The following ZNF77 variants were observed in gnomAD, a reference collection of about 807,000 sequenced individuals.
The protein encoded by ZNF77 is ZNFpT1.
ZNF77 carries 15 observed loss-of-function variants against 13.5 expected under a neutral mutation model. The observed-to-expected ratio is 1.11, with a 90% CI of 0.74 to 1.71. ZNF77 has a LOEUF of 1.71. Ranked by LOEUF, ZNF77 falls within the 40% of genes most tolerant of loss-of-function variation. The probability of loss-of-function intolerance (pLI) is 0.00; values close to 1 mark genes in which losing one functional copy is unlikely to be tolerated. For synonymous variants in ZNF77, 282 were observed against 250.0 expected (o/e 1.13, Z -1.21); for missense variants, 717 against 676.4 (o/e 1.06, Z -0.67).
intron 2 of ZNF77, among the ~76,000 whole-genome samples, chr19:2,937,188 C>A (rs762951791): frequency 5.3e-5 from 8 of 151,842 alleles, no homozygotes; most frequent in Non-Finnish European, 1.0e-4. Flanking sequence ...GACCCTGTCT[C>A]AAAAAAAGAA....
At chr19:2,934,953 T>C (rs530514386) in intron 3 of ZNF77, 138 bp from the exon 4 acceptor site, 2 of 1,153,990 alleles carry the variant, frequency 1.7e-6, no homozygotes, top group South Asian at 1.7e-5. Flanking sequence ...GTCTGCCTGG[T>C]TTCTATGGAG....
rs1380953227 is a variant in ZNF77, at chr19:2,934,426, T to C, written c.701A>G (p.His234Arg). 1.2e-6 allele frequency: 2 copies of C among 1,614,240 alleles called. No homozygotes were observed. Among genetic ancestry groups the C allele is most frequent in the African/African-American group, 1.3e-5 (1 of 75,068 alleles). Reference protein sequence around the residue: ...PSSFRGHVNSHHGQKTHACKV... With the variant: ...PSSFRGHVNSRHGQKTHACKV... ...ACATGCATGGGTTTTCTGCCCATGA[T>C]GACTATTCACATGTCCCCTGAAAGA... The change falls in exon 4 of 4, where the codon CAT (histidine) becomes CGT (arginine). Residue 234 changes from histidine to arginine, a missense_variant. Physicochemically the swap from His to Arg is conservative, Grantham distance 29. Coordinates refer to ENST00000314531, the MANE Select transcript of ZNF77 (RefSeq NM_021217.3).
At chr19:2,942,075 C>CT (rs36016142) in intron 1 of ZNF77, among the ~76,000 whole-genome samples, 25,532 of 144,010 alleles carry the variant, frequency 0.18, 2,417 homozygotes, top group East Asian at 0.41. Context: ...AGCATTTATT[C>CT]TTTTTTTTTT....
intron 1 of ZNF77, among the ~76,000 whole-genome samples, chr19:2,941,088 T>A (rs1202944483): frequency 6.8e-6 from 1 of 147,950 alleles, no homozygotes; most frequent in Non-Finnish European, 1.5e-5. Flanking sequence ...GGTGGGAGGA[T>A]CATTTGAGCC....
intron 2 of ZNF77, among the ~76,000 whole-genome samples, chr19:2,937,127 T>C (rs2088404821): frequency 6.6e-6 from 1 of 152,098 alleles, no homozygotes; most frequent in Admixed American, 6.6e-5. Context: ...AGGTCAAAGC[T>C]GCAGTGGGCC....
intron 3 of ZNF77, among the ~76,000 whole-genome samples, chr19:2,935,981 C>A (rs1415318978): frequency 1.3e-5 from 2 of 151,528 alleles, no homozygotes; most frequent in Admixed American, 6.6e-5. Flanking sequence ...CGTGCCACTG[C>A]ACTTCAGCCT....
At chr19:2,941,077 A>T (rs1052889652) in intron 1 of ZNF77, among the ~76,000 whole-genome samples, 3 of 146,074 alleles carry the variant, frequency 2.1e-5, no homozygotes, top group Non-Finnish European at 4.5e-5. Flanking sequence ...CAGGAGGCTG[A>T]GGTGGGAGGA....
chr19:2,941,174 C>CAAAAA (rs142541120), intron 1 of ZNF77, among the ~76,000 whole-genome samples: 5 of 61,544 alleles, frequency 8.1e-5, no homozygotes, highest in East Asian at 4.6e-4. Context: ...CGCCCTACCT[C>CAAAAA]AAAAAAAAAA....
At position 2,943,692 on chromosome 19, in the gene ZNF77, A is replaced by ATTTTT. The variant is rs10633206; in HGVS notation, c.3+1141_3+1145dup. 2.7e-3 allele frequency among the ~76,000 whole-genome samples: 208 copies of ATTTTT among 76,708 alleles called. 2 individuals are homozygous for ATTTTT. Among genetic ancestry groups the ATTTTT allele is most frequent in the African/African-American group, 9.3e-3 (174 of 18,722 alleles). 50.3% of individuals were successfully genotyped at this position (76,708 alleles called of 152,430 possible). On this transcript the variant is annotated intron_variant, in intron 1 of 3. Coordinates refer to ENST00000314531, the MANE Select transcript of ZNF77 (RefSeq NM_021217.3). The stretch of plus-strand genomic sequence containing the variant: ...TTTTCTCTCTCCTTCTCTAGCCAGG[A>ATTTTT]TTTTTTTTTTTTTTTTTTTTTTTGG...
chr19:2,942,057 A>G (rs1262337728), intron 1 of ZNF77, among the ~76,000 whole-genome samples: 1 of 145,888 alleles, frequency 6.9e-6, no homozygotes, highest in Non-Finnish European at 1.5e-5. Context: ...AAGAAAAAAA[A>G]GGCAAAAAGC....
In ZNF77 at chr19:2,933,809, G is replaced by T. The variant is rs1316604965; in HGVS notation, c.1318C>A (p.His440Asn). 6.2e-7 allele frequency: 1 copy of T among 1,612,366 alleles called. No homozygotes were observed. The highest frequency in any genetic ancestry group is 1.3e-5 in the African/African-American group (1 of 74,818). The change falls in exon 4 of 4, where the codon CAT (histidine) becomes AAT (asparagine). Residue 440 changes from histidine to asparagine, a missense_variant. Transcript: ENST00000314531. ...HTGEKPFECK[H>N]CGKAFSCHSS... ...TGACAGCTGAAGGCTTTCCCACAATGCTTACACTCAAAGGGCTTCTCTCCA... is the reference window on the plus strand; with the variant it reads ...TGACAGCTGAAGGCTTTCCCACAATTCTTACACTCAAAGGGCTTCTCTCCA...
At chr19:2,939,583 C>T in intron 1 of ZNF77, 176 bp from the exon 2 acceptor site, 1 of 806,762 alleles carries the variant, frequency 1.2e-6, no homozygotes, top group Non-Finnish European at 1.9e-6. Context: ...ACCTTCCCAA[C>T]AGGGAGCAAA....
Position 2,934,636 on chromosome 19 carries a change from C to A in ZNF77, c.491G>T (p.Cys164Phe). Residue 164 changes from cysteine to phenylalanine, a missense_variant, in exon 4 of 4, where the codon TGT (cysteine) becomes TTT (phenylalanine). By Grantham distance (205) the Cys-to-Phe change is radical. Coordinates refer to ENST00000314531, the MANE Select transcript of ZNF77 (RefSeq NM_021217.3). Reference sequence around the variant, plus strand: ...GCTGCAGGCTTGCCCACATTCCTTACACGGTCTCTGTCCAGTGTGAGATCT... The same window carrying A: ...GCTGCAGGCTTGCCCACATTCCTTAAACGGTCTCTGTCCAGTGTGAGATCT... ...RQRSHTGQRP[C>F]KECGQACSCL... 1 of 1,614,166 alleles carries A rather than the reference C, an allele frequency of 6.2e-7. No individual in the cohort carries two copies. Among genetic ancestry groups the A allele is most frequent in the Non-Finnish European group, 8.5e-7 (1 of 1,180,010 alleles).
chr19:2,936,912 T>G (rs2088403272), intron 2 of ZNF77, among the ~76,000 whole-genome samples: 1 of 152,140 alleles, frequency 6.6e-6, no homozygotes, highest in Non-Finnish European at 1.5e-5. Flanking sequence ...CAGTGGCTCA[T>G]GCCTGTAATC....
chr19:2,943,249 T>C (rs2088465949), intron 1 of ZNF77, among the ~76,000 whole-genome samples: 1 of 151,584 alleles, frequency 6.6e-6, no homozygotes, highest in South Asian at 2.1e-4. Context: ...CCTCTGGCAT[T>C]ACTCTCCTGC....
In ZNF77 at chr19:2,934,194, A is replaced by T; in HGVS notation, c.933T>A (p.Phe311Leu). The T allele has an allele frequency of 6.2e-7, 1 of 1,614,182 alleles. No individual in the cohort carries two copies. Among genetic ancestry groups the T allele is most frequent in the Non-Finnish European group, 8.5e-7 (1 of 1,180,012 alleles). ...CAGTGTGCGTCCTCACGTGATCTCT[A>T]AAGGAGGAGTAACAGCTGAATGATT... ...CGKSFSCYSSFRDHVRTHTGE... is the reference protein window; with the variant it reads ...CGKSFSCYSSLRDHVRTHTGE... Residue 311 changes from phenylalanine (F) to leucine (L), a missense_variant, in exon 4 of 4, where the codon TTT becomes TTA. Coordinates refer to ENST00000314531, the MANE Select transcript of ZNF77 (RefSeq NM_021217.3).
chr19:2,934,883 T>C, intron 3 of ZNF77, 68 bp from the exon 4 acceptor site: 1 of 1,512,246 alleles, frequency 6.6e-7, no homozygotes, highest in Non-Finnish European at 8.8e-7. Flanking sequence ...TAATGGTTTT[T>C]AGTGATTATT....
At chr19:2,936,811 T>A in intron 2 of ZNF77, 107 bp from the exon 3 acceptor site, 1 of 1,005,350 alleles carries the variant, frequency 9.9e-7, no homozygotes. Context: ...GTACCGTTTA[T>A]AAGGAAGAAT....
At position 2,944,711 on chromosome 19, in the gene ZNF77, C is replaced by A; in HGVS notation, c.3+127G>T. ...GGCCGCTGTGACCACGTCCCCGGGGCCCAGGCGCTCGTCGTGCGCCGCCCC... is the reference window on the plus strand; with the variant it reads ...GGCCGCTGTGACCACGTCCCCGGGGACCAGGCGCTCGTCGTGCGCCGCCCC... On this transcript the variant is annotated intron_variant, in intron 1 of 3. Transcript: ENST00000314531. The A allele has an allele frequency of 3.8e-6, 5 of 1,323,518 alleles. No individual in the cohort carries two copies. In the South Asian group the frequency reaches 7.9e-5, roughly 21 times the overall value. The allele number at this position is 1,323,518 out of a possible 1,614,324, so 82.0% of individuals were successfully genotyped here.
Sources: allele counts gnomAD v4.1 joint callset (sites outside exome capture counted in the v4.1 genomes callset), GRCh38; gene constraint gnomAD v4.1.1; transcripts MANE v1.5; gene names NCBI Gene and HGNC (gene_info 2026-07-23, HGNC 2026-07-21).